Variants in NRXN3 observed in about 807,000 individuals in gnomAD.
NRXN3 encodes neurexin 3.
In NRXN3, 32 loss-of-function variants were observed where a neutral mutation model predicts 137.6. That is an observed-to-expected ratio of 0.23 (90% CI 0.18 to 0.31). The LOEUF (loss-of-function observed/expected upper bound fraction) is 0.31. NRXN3 is among the 10% of genes least tolerant of loss of function. The pLI, the probability that NRXN3 is intolerant of heterozygous loss-of-function variation, is 1.00. For synonymous variants in NRXN3, 798 were observed against 784.5 expected (o/e 1.02, Z -0.29); for missense variants, 1,574 against 2,062.5 (o/e 0.76, Z 4.59).
rs150951787 is a variant in NRXN3, at chr14:79,367,006, T to C, written c.3263-100215T>C. 8.6e-3 allele frequency among the ~76,000 whole-genome samples: 1,138 copies of C among 132,448 alleles called. 25 individuals are homozygous for C. Among genetic ancestry groups the C allele is most frequent in the South Asian group, 0.083 (340 of 4,104 alleles). 86.9% of individuals were successfully genotyped at this position (132,448 alleles called of 152,430 possible). A position where few individuals can be genotyped will look rare whatever the true frequency, so the allele number is the denominator to read the frequency against. On this transcript the variant is annotated intron_variant, in intron 15 of 20. Coordinates refer to ENST00000335750, the MANE Select transcript of NRXN3 (RefSeq NM_001330195.2). Reference sequence around the variant, plus strand: ...TTTTTTTTTTTTTTTTTTTTGGAGATGGAGTCTTGCTCTGTCACCCAGGCT... The same window carrying C: ...TTTTTTTTTTTTTTTTTTTTGGAGACGGAGTCTTGCTCTGTCACCCAGGCT...
intron 15 of NRXN3, among the ~76,000 whole-genome samples, chr14:79,383,873 A>G (rs942065662): frequency 1.3e-5 from 2 of 152,190 alleles, no homozygotes; most frequent in African/African-American, 4.8e-5. Flanking sequence ...ATATTATGAT[A>G]CTTGGATAGG....
rs1019314273 is a variant in NRXN3, at chr14:78,971,923, T to C, written c.3142+3577T>C. On this transcript the variant is annotated intron_variant, in intron 14 of 20. Transcript: ENST00000335750. ...AGTGGTAGCAAAATTATTTAAAAAC[T>C]TGCTAATTTAGTACTCTTCAGCTCT... is the stretch of plus-strand genomic sequence containing the variant. Among the ~76,000 whole-genome samples the C allele has an allele frequency of 6.6e-5, 10 of 152,256 alleles. 1 individual carries two copies. In the South Asian group the frequency reaches 2.1e-3, roughly 32 times the overall value.
At chr14:78,371,601 T>A (rs1237365500) in intron 4 of NRXN3, among the ~76,000 whole-genome samples, 1 of 152,188 alleles carries the variant, frequency 6.6e-6, no homozygotes, top group South Asian at 2.1e-4. Flanking sequence ...AGAGCATTAG[T>A]TGTAACACAC....
chr14:78,629,367 C>T (rs1244870913), intron 4 of NRXN3, among the ~76,000 whole-genome samples: 1 of 152,148 alleles, frequency 6.6e-6, no homozygotes, highest in African/African-American at 2.4e-5. Context: ...TAAAGTGACA[C>T]AATGTCATTG....
At chr14:78,465,106 G>A (rs8005130) in intron 4 of NRXN3, among the ~76,000 whole-genome samples, 148,293 of 152,118 alleles carry the variant, frequency 0.97, 72,376 homozygotes, top group Non-Finnish European at 1. Context: ...ATGTGCAAGT[G>A]TTCACAGAAT....
At chr14:78,684,812 T>C (rs1397360428) in intron 6 of NRXN3, among the ~76,000 whole-genome samples, 1 of 152,144 alleles carries the variant, frequency 6.6e-6, no homozygotes, top group Non-Finnish European at 1.5e-5. Context: ...CAACAAAATA[T>C]CCTACTCCCT....
intron 19 of NRXN3, among the ~76,000 whole-genome samples, chr14:79,784,311 T>A (rs776619308): frequency 1.3e-5 from 2 of 152,192 alleles, no homozygotes; most frequent in Non-Finnish European, 2.9e-5. Flanking sequence ...GCCAATGTCT[T>A]TCCCAAGGGG....
chr14:79,540,737 GA>G (rs1257615184), intron 16 of NRXN3, among the ~76,000 whole-genome samples: 4 of 152,170 alleles, frequency 2.6e-5, no homozygotes, highest in African/African-American at 9.7e-5. Flanking sequence ...TTTCAGGAGA[GA>G]TGACTTTTGA....
rs115478443 is a variant in NRXN3 at position 79,155,088 on chromosome 14, G to A, written c.3262+166947G>A. Among the ~76,000 whole-genome samples the A allele has an allele frequency of 7.7e-3, 1,175 of 151,874 alleles. 16 individuals carry two copies. Among genetic ancestry groups the A allele is most frequent in the African/African-American group, 0.027 (1,110 of 41,456 alleles). ...ACTACTGGACTTTTTCCTCCCCGTC[G>A]TGGAAAATTGGTGTCACATTGCCAC... On this transcript the variant is annotated intron_variant, in intron 15 of 20. Transcript: ENST00000335750.
At chr14:79,773,228 C>T (rs2099085019) in intron 19 of NRXN3, among the ~76,000 whole-genome samples, 2 of 152,158 alleles carry the variant, frequency 1.3e-5, no homozygotes, top group South Asian at 4.1e-4. Context: ...GGCGATTCCT[C>T]AGGGATCAAG....
chr14:79,581,847 A>G (rs2097719339), intron 16 of NRXN3, among the ~76,000 whole-genome samples: 1 of 152,192 alleles, frequency 6.6e-6, no homozygotes, highest in Non-Finnish European at 1.5e-5. Flanking sequence ...ATAAACCTGT[A>G]TTATATTTTT....
chr14:78,460,239 C>T (rs555123556), intron 4 of NRXN3, among the ~76,000 whole-genome samples: 45 of 152,346 alleles, frequency 3.0e-4, no homozygotes, highest in African/African-American at 1.1e-3. Context: ...TCTGGAAGAT[C>T]TCTGAACCCT....
At chr14:78,471,163 T>A (rs2095258138) in intron 4 of NRXN3, among the ~76,000 whole-genome samples, 1 of 151,988 alleles carries the variant, frequency 6.6e-6, no homozygotes, top group South Asian at 2.1e-4. Context: ...TCCTTGGAAA[T>A]TCTCATAAAA....
intron 4 of NRXN3, among the ~76,000 whole-genome samples, chr14:78,502,163 C>A (rs1188931818): frequency 6.6e-6 from 1 of 152,154 alleles, no homozygotes; most frequent in Non-Finnish European, 1.5e-5. Flanking sequence ...AGAGGCCTGT[C>A]CATCTCCTAG....
At chr14:78,800,310 T>A (rs1462806254) in intron 8 of NRXN3, among the ~76,000 whole-genome samples, 1 of 152,222 alleles carries the variant, frequency 6.6e-6, no homozygotes, top group Non-Finnish European at 1.5e-5. Context: ...AAAGTCTTCA[T>A]GGTGTTCTTG....
chr14:78,182,069 T>C (rs775866371), intron 1 of NRXN3, among the ~76,000 whole-genome samples: 10 of 140,214 alleles, frequency 7.1e-5, no homozygotes, highest in East Asian at 2.4e-4. Flanking sequence ...AGGCAAAGTA[T>C]TGGGGGGCAC....
chr14:79,236,421 CTAT>C, intron 15 of NRXN3, among the ~76,000 whole-genome samples: 1 of 151,994 alleles, frequency 6.6e-6, no homozygotes, highest in African/African-American at 2.4e-5. Flanking sequence ...GCGTTAGACA[CTAT>C]TATTATAAAT....
intron 10 of NRXN3, among the ~76,000 whole-genome samples, chr14:78,855,065 G>A (rs1203322493): frequency 2.0e-5 from 3 of 151,978 alleles, no homozygotes; most frequent in Non-Finnish European, 4.4e-5. Flanking sequence ...TCGGGAGGCT[G>A]GGGCAGGAGA....
intron 4 of NRXN3, among the ~76,000 whole-genome samples, chr14:78,383,099 C>T (rs1464572465): frequency 2.0e-5 from 3 of 152,188 alleles, no homozygotes; most frequent in Non-Finnish European, 4.4e-5. Flanking sequence ...ACTTGCCAGA[C>T]TCTGTCCTGG....
Sources: gnomAD v4.1 joint callset for allele counts (sites outside exome capture counted in the v4.1 genomes callset) on GRCh38, gnomAD v4.1.1 for gene constraint, MANE v1.5 for transcripts, NCBI Gene and HGNC (gene_info 2026-07-23, HGNC 2026-07-21) for gene names.